The following LIG3 variants were observed in gnomAD, a reference collection of about 807,000 sequenced individuals.
LIG3 encodes the protein ligase II, DNA, ATP-dependent.
Under a neutral mutation model 110.9 loss-of-function variants are expected in LIG3, and 58 were observed. The ratio of observed to expected loss-of-function variants is 0.52; its 90% CI spans 0.42 to 0.65. LIG3 has a LOEUF of 0.65. Ranked by LOEUF, LIG3 falls within the 30% of genes least tolerant of loss-of-function variation. LIG3 has a pLI of 0.00. For missense variants in LIG3, 1,094 were observed against 1,273.8 expected, an observed-to-expected ratio of 0.86 and a Z score of 2.15; for synonymous variants, 422 against 472.8, an observed-to-expected ratio of 0.89 and a Z score of 1.39.
intron 13 of LIG3, 67 bp from the exon 14 acceptor site, chr17:34,998,537 G>T: frequency 6.3e-7 from 1 of 1,585,356 alleles, no homozygotes; most frequent in Non-Finnish European, 8.6e-7. Context: ...GTGTAGCAGT[G>T]AAGGGGTGAA....
chr17:34,981,972 C>G (rs939565116), intron 1 of LIG3, among the ~76,000 whole-genome samples: 20 of 152,314 alleles, frequency 1.3e-4, no homozygotes, highest in Middle Eastern at 3.4e-3. Context: ...TCGGAAGCCT[C>G]TTCTTGAAAG....
chr17:35,006,597 G>A lies in LIG3; in HGVS notation c.*2091G>A, dbSNP rs146453395. 11 of 152,296 alleles carry A rather than the reference G, an allele frequency of 7.2e-5. No individual in the cohort carries two copies. The highest frequency in any genetic ancestry group is 1.5e-4 in the Non-Finnish European group (10 of 68,074). 9.4% of individuals were successfully genotyped at this position (152,296 alleles called of 1,614,324 possible). A position where few individuals can be genotyped will look rare whatever the true frequency, so the allele number is the denominator to read the frequency against. ...TGTCCAGACCCTACCCGGGAGAAGGGCCTAACCTATGACTTTAGAACCCTC... is the reference window on the plus strand; with the variant it reads ...TGTCCAGACCCTACCCGGGAGAAGGACCTAACCTATGACTTTAGAACCCTC... On this transcript the variant is annotated 3_prime_UTR_variant, in exon 20 of 20. Transcript: ENST00000378526.
chr17:34,980,581 A>G lies in LIG3; in HGVS notation c.-46A>G, dbSNP rs763431687. 1 of 1,287,372 alleles carries G rather than the reference A, an allele frequency of 7.8e-7. No homozygotes were observed. Among genetic ancestry groups the G allele is most frequent in the South Asian group, 1.2e-5 (1 of 80,580 alleles). The allele number at this position is 1,287,372 out of a possible 1,614,324, so 79.7% of individuals were successfully genotyped here. ...GGGCTGCCCGCGGCCTGTAATGAGC[A>G]AGTTCCGAGGCCTACGGTGAGCGCC... On this transcript the variant is annotated 5_prime_UTR_variant, in exon 1 of 20. Transcript: ENST00000378526.
intron 14 of LIG3, chr17:34,999,060 C>G: frequency 1.9e-6 from 1 of 524,540 alleles, no homozygotes. Context: ...TTTAAGCAAT[C>G]TATCATGTGT....
chr17:34,989,706 T>C (rs1283845632), intron 4 of LIG3, 43 bp downstream of exon 4: 1 of 1,589,620 alleles, frequency 6.3e-7, no homozygotes, highest in Non-Finnish European at 8.6e-7. Flanking sequence ...TCCGGAGAGC[T>C]CAAGGCCATG....
intron 14 of LIG3, 69 bp downstream of exon 14, chr17:34,998,796 T>G: frequency 6.5e-7 from 1 of 1,543,928 alleles, no homozygotes; most frequent in Non-Finnish European, 8.8e-7. Context: ...CAGGCTGGCC[T>G]TGTTACTGGC....
In LIG3 at chr17:35,005,362, G is replaced by A. The variant is rs2090887322; in HGVS notation, c.*856G>A. 1 of 556,828 alleles carries A rather than the reference G, an allele frequency of 1.8e-6. No individual in the cohort carries two copies. The highest frequency in any genetic ancestry group is 1.9e-5 in the Admixed American group (1 of 52,310). The allele number at this position is 556,828 out of a possible 1,614,324, so 34.5% of individuals were successfully genotyped here. ...AGTGTTCCAACCTGAAGTTGAAGAA[G>A]CCACCCTGGCTGCACATGCCATCAG... On this transcript the variant is annotated 3_prime_UTR_variant, in exon 20 of 20. Transcript: ENST00000378526.
Position 35,004,391 on chromosome 17 carries a change from TGAC to T in LIG3, c.2916_2918del (p.Met972_Thr973delinsIle). Reference sequence around the variant, plus strand: ...GGGGACCTGGTACAGGAATTTGATATGACTTCAGCCACGCACGTGCTGGGTAGC... The same window carrying T: ...GGGGACCTGGTACAGGAATTTGATATTTCAGCCACGCACGTGCTGGGTAGC... On this transcript the variant is annotated inframe_deletion, in exon 20 of 20. Transcript: ENST00000378526. The T allele has an allele frequency of 6.2e-7, 1 of 1,614,202 alleles. No individual in the cohort carries two copies. Among genetic ancestry groups the T allele is most frequent in the Non-Finnish European group, 8.5e-7 (1 of 1,180,038 alleles).
chr17:34,981,921 T>A (rs1438219978), intron 1 of LIG3, among the ~76,000 whole-genome samples: 2 of 152,264 alleles, frequency 1.3e-5, no homozygotes, highest in African/African-American at 4.8e-5. Context: ...TTCAGCATTC[T>A]CTGATTCAAG....
Position 35,001,503 on chromosome 17 carries a change from C to T in LIG3, c.2478+100C>T, listed in dbSNP as rs2090841695. 3.3e-5 allele frequency: 41 copies of T among 1,244,398 alleles called. 1 individual carries two copies. In the South Asian group the frequency reaches 5.1e-4, roughly 16 times the overall value. The allele number at this position is 1,244,398 out of a possible 1,614,324, so 77.1% of individuals were successfully genotyped here. ...TCACATGTCCTCTGTCTTCTCCTTT[C>T]CCCCATTCTCCTGAGGCAGAGCAAG... On this transcript the variant is annotated intron_variant, in intron 17 of 19. Coordinates refer to ENST00000378526, the MANE Select transcript of LIG3 (RefSeq NM_013975.4).
intron 3 of LIG3, among the ~76,000 whole-genome samples, chr17:34,986,851 T>G (rs538467231): frequency 6.6e-6 from 1 of 152,254 alleles, no homozygotes; most frequent in African/African-American, 2.4e-5. Flanking sequence ...CATGCATGGA[T>G]CTCCCTTCTT....
rs1393019523 is a variant in LIG3, at chr17:34,996,274, A to AG, written c.1743+79_1743+80insG. 15 of 1,483,914 alleles carry AG rather than the reference A, an allele frequency of 1.0e-5. No homozygotes were observed. The Admixed American group carries it at 2.7e-4, about 27-fold the overall frequency. The allele number at this position is 1,483,914 out of a possible 1,614,324, so 91.9% of individuals were successfully genotyped here. On this transcript the variant is annotated intron_variant, in intron 10 of 19. Transcript: ENST00000378526. ...CATGTGGGTGCACGCTGCGGTCTGAAAAGGGAGGAAATATCCCTTAGTGTG... is the reference window on the plus strand; with the variant it reads ...CATGTGGGTGCACGCTGCGGTCTGAAGAAGGGAGGAAATATCCCTTAGTGTG...
intron 4 of LIG3, among the ~76,000 whole-genome samples, chr17:34,990,092 G>GGCACGTGAAGT (rs1389123278): frequency 6.6e-6 from 1 of 152,108 alleles, no homozygotes; most frequent in African/African-American, 2.4e-5. Context: ...CTTGTCACTG[G>GGCACGTGAAGT]GCACGTGAAG....
rs1317138638 is a variant in LIG3, at chr17:34,980,674, G to A, written c.-5+52G>A. Reference sequence around the variant, plus strand: ...CGCGGCGGGGCCCGGCGTGGGGAAGGCAGCGGGCCCGGGGCGAGGAGCTCG... The same window carrying A: ...CGCGGCGGGGCCCGGCGTGGGGAAGACAGCGGGCCCGGGGCGAGGAGCTCG... On this transcript the variant is annotated intron_variant, in intron 1 of 19. Coordinates refer to ENST00000378526, the MANE Select transcript of LIG3 (RefSeq NM_013975.4). 56 of 958,220 alleles carry A rather than the reference G, an allele frequency of 5.8e-5. 1 individual carries two copies. The highest frequency in any genetic ancestry group is 1.6e-5 in the Non-Finnish European group (13 of 820,646). The allele number at this position is 958,220 out of a possible 1,614,324, so 59.4% of individuals were successfully genotyped here.
At chr17:34,986,281 C>T in intron 3 of LIG3, 150 bp downstream of exon 3, 3 of 789,238 alleles carry the variant, frequency 3.8e-6, no homozygotes, top group Non-Finnish European at 6.1e-6. Context: ...ATGGCTAATT[C>T]TAAGCCTTCC....
At chr17:34,997,595 A>G in intron 11 of LIG3, 143 bp from the exon 12 acceptor site, 1 of 647,146 alleles carries the variant, frequency 1.5e-6, no homozygotes, top group Middle Eastern at 4.0e-4. Context: ...CCTTGACAGC[A>G]GAACTGTTAC....
chr17:34,991,761 GA>G lies in LIG3; in HGVS notation c.1133del (p.Asp378ValfsTer38), dbSNP rs1253407044. On this transcript the variant is annotated frameshift_variant, in exon 6 of 20. Transcript: ENST00000378526. LOFTEE classifies it high-confidence loss of function. ...GAGCCTCCTTACCATCCAGGAAGTGGATGAGTTCCTTCTGCGGCTGTCCAAG... is the reference window on the plus strand; with the variant it reads ...GAGCCTCCTTACCATCCAGGAAGTGGTGAGTTCCTTCTGCGGCTGTCCAAG... ...AKSLLTIQEVDEFLLRLSKLT... is the reference protein window; with the variant it reads ...AKSLLTIQEVXEFLLRLSKLT... 6.2e-7 allele frequency: 1 copy of G among 1,614,116 alleles called. No homozygotes were observed. The highest frequency in any genetic ancestry group is 1.7e-5 in the Admixed American group (1 of 60,014).
intron 3 of LIG3, among the ~76,000 whole-genome samples, chr17:34,989,122 G>A (rs547992631): frequency 5.9e-5 from 9 of 152,110 alleles, no homozygotes; most frequent in Non-Finnish European, 1.2e-4. Context: ...GGTTACAGGC[G>A]TGAGCCACTG....
intron 2 of LIG3, among the ~76,000 whole-genome samples, chr17:34,984,637 T>G (rs1180958346): frequency 2.0e-5 from 3 of 151,712 alleles, no homozygotes; most frequent in Admixed American, 2.0e-4. Context: ...TCATGGGGTA[T>G]CTGTTTCTTC....
Sources: allele counts gnomAD v4.1 joint callset (sites outside exome capture counted in the v4.1 genomes callset), GRCh38; gene constraint gnomAD v4.1.1; transcripts MANE v1.5; gene names NCBI Gene and HGNC (gene_info 2026-07-23, HGNC 2026-07-21).